Variants in SYNRG observed in about 807,000 individuals in gnomAD.
SYNRG encodes synergin gamma, also known as AP1 gamma subunit binding protein 1.
SYNRG carries 37 observed loss-of-function variants against 130.9 expected under a neutral mutation model. That is an observed-to-expected ratio of 0.28 (90% confidence interval 0.22 to 0.37). The LOEUF is 0.37. SYNRG is among the 10% of genes least tolerant of loss of function. The pLI, the probability that SYNRG is intolerant of heterozygous loss-of-function variation, is 1.00. For synonymous variants in SYNRG, 539 were observed against 568.1 expected (o/e 0.95, Z 0.73); for missense variants, 1,338 against 1,588.9 (o/e 0.84, Z 2.68).
At chr17:37,533,523 G>A (rs375580020) in intron 19 of SYNRG, among the ~76,000 whole-genome samples, 1 of 150,880 alleles carries the variant, frequency 6.6e-6, no homozygotes, top group Non-Finnish European at 1.5e-5. Flanking sequence ...ATAAGGGCTT[G>A]AATTAGTTAA....
chr17:37,590,693 G>A (rs1477122583), intron 3 of SYNRG, among the ~76,000 whole-genome samples: 2 of 152,114 alleles, frequency 1.3e-5, no homozygotes, highest in South Asian at 2.1e-4. Context: ...GGCAGAGGTG[G>A]GTGGATTGCT....
chr17:37,544,710 T>G (rs1251076394), intron 14 of SYNRG, among the ~76,000 whole-genome samples: 6 of 152,176 alleles, frequency 3.9e-5, no homozygotes, highest in African/African-American at 1.4e-4. Flanking sequence ...TTCGTTTTTT[T>G]CCCCACGATT....
intron 21 of SYNRG, 121 bp downstream of exon 21, chr17:37,520,058 G>T: frequency 2.8e-6 from 3 of 1,086,832 alleles, no homozygotes; most frequent in South Asian, 2.6e-5. Context: ...GAACAAAACT[G>T]ACTCAGTGAA....
chr17:37,547,463 CTT>C (rs35053528), intron 14 of SYNRG, among the ~76,000 whole-genome samples: 29 of 138,868 alleles, frequency 2.1e-4, no homozygotes, highest in Non-Finnish European at 3.1e-4. Flanking sequence ...TCATTTGCTG[CTT>C]TTTTTTTTTT....
intron 8 of SYNRG, among the ~76,000 whole-genome samples, chr17:37,574,665 T>C (rs2146118510): frequency 6.6e-6 from 1 of 152,292 alleles, no homozygotes; most frequent in East Asian, 1.9e-4. Context: ...TCAACATCAC[T>C]GATCATCAGA....
chr17:37,535,896 T>C, intron 19 of SYNRG, 83 bp downstream of exon 19: 1 of 1,568,088 alleles, frequency 6.4e-7, no homozygotes, highest in Admixed American at 1.7e-5. Flanking sequence ...CTCTAATAAG[T>C]ACCATCATAG....
Position 37,540,438 on chromosome 17 carries a change from T to C in SYNRG, c.3308A>G (p.Glu1103Gly), listed in dbSNP as rs1285517077. Reference sequence around the variant, plus strand: ...TCGGATGACGGGCAGGGCGGGCTTCTCATTCAGAGTATTGGAACGGTCTCT... The same window carrying C: ...TCGGATGACGGGCAGGGCGGGCTTCCCATTCAGAGTATTGGAACGGTCTCT... The part of the protein sequence containing the change: ...PFRDRSNTLN[E>G]KPALPVIRDK... The change falls in exon 16 of 22, where the codon GAG (glutamate) becomes GGG (glycine). Residue 1103 changes from glutamate (E) to glycine (G), a missense_variant. Glu to Gly is a moderately conservative substitution (Grantham distance 98). Transcript: ENST00000612223. 1 of 1,613,808 alleles carries C rather than the reference T, an allele frequency of 6.2e-7. No homozygotes were observed. The highest frequency in any genetic ancestry group is 1.3e-5 in the African/African-American group (1 of 74,838).
intron 16 of SYNRG, 108 bp from the exon 17 acceptor site, chr17:37,539,353 A>G (rs956149833): frequency 1.8e-6 from 2 of 1,138,732 alleles, no homozygotes; most frequent in East Asian, 2.4e-5. Flanking sequence ...TATTACGATC[A>G]CTCTAGTTCA....
intron 19 of SYNRG, among the ~76,000 whole-genome samples, chr17:37,527,751 T>C (rs769505444): frequency 6.6e-6 from 1 of 152,168 alleles, no homozygotes; most frequent in Non-Finnish European, 1.5e-5. Flanking sequence ...CCATTTCTTA[T>C]CAGGAACTCG....
intron 8 of SYNRG, among the ~76,000 whole-genome samples, chr17:37,573,910 T>C (rs2060622984): frequency 6.6e-6 from 1 of 152,138 alleles, no homozygotes; most frequent in South Asian, 2.1e-4. Flanking sequence ...AAAATTTATA[T>C]GGTACCACAA....
At chr17:37,608,979 T>C (rs969394101) in intron 1 of SYNRG, among the ~76,000 whole-genome samples, 1 of 142,670 alleles carries the variant, frequency 7.0e-6, no homozygotes, top group Non-Finnish European at 1.5e-5. Context: ...GGTTCCTGAT[T>C]TGCCCCGCCC....
intron 19 of SYNRG, among the ~76,000 whole-genome samples, chr17:37,533,654 C>G (rs1338971713): frequency 2.2e-5 from 3 of 139,488 alleles, no homozygotes. Context: ...GTGGTGTGAT[C>G]TCAGCTCACT....
chr17:37,530,701 T>C (rs922265486), intron 19 of SYNRG, among the ~76,000 whole-genome samples: 1 of 152,226 alleles, frequency 6.6e-6, no homozygotes, highest in Non-Finnish European at 1.5e-5. Context: ...GAATTCTGCC[T>C]CTCTGAATGT....
intron 11 of SYNRG, among the ~76,000 whole-genome samples, chr17:37,562,082 C>T (rs2059577968): frequency 6.6e-6 from 1 of 152,146 alleles, no homozygotes; most frequent in Non-Finnish European, 1.5e-5. Flanking sequence ...AGATAAAAAT[C>T]TATTTATGAA....
At chr17:37,564,050 T>C (rs1052201266) in intron 11 of SYNRG, among the ~76,000 whole-genome samples, 5 of 152,048 alleles carry the variant, frequency 3.3e-5, no homozygotes, top group African/African-American at 1.2e-4. Flanking sequence ...GGTTTCACCA[T>C]GTTGGCCAGA....
chr17:37,575,065 T>C (rs1308375656), intron 8 of SYNRG, among the ~76,000 whole-genome samples: 1 of 152,112 alleles, frequency 6.6e-6, no homozygotes, highest in Non-Finnish European at 1.5e-5. Context: ...ACAAATTTCA[T>C]ATATTCTCAT....
intron 14 of SYNRG, among the ~76,000 whole-genome samples, chr17:37,543,580 A>G (rs2057982416): frequency 6.6e-6 from 1 of 152,158 alleles, no homozygotes; most frequent in Non-Finnish European, 1.5e-5. Flanking sequence ...ACTTGGAAGG[A>G]CTGTGTTATG....
At chr17:37,529,249 A>G (rs533258835) in intron 19 of SYNRG, among the ~76,000 whole-genome samples, 8 of 152,356 alleles carry the variant, frequency 5.3e-5, no homozygotes, top group Non-Finnish European at 1.0e-4. Context: ...GCTCCAGGTT[A>G]GATGGGCCCC....
intron 19 of SYNRG, among the ~76,000 whole-genome samples, chr17:37,532,604 C>T (rs962811940): frequency 7.6e-5 from 10 of 131,054 alleles, no homozygotes; most frequent in African/African-American, 2.9e-4. Flanking sequence ...ATCTGGGAGG[C>T]GGAGGTTGCA....
Sources: gnomAD v4.1 joint callset for allele counts (sites outside exome capture counted in the v4.1 genomes callset) on GRCh38, gnomAD v4.1.1 for gene constraint, MANE v1.5 for transcripts, NCBI Gene and HGNC (gene_info 2026-07-23, HGNC 2026-07-21) for gene names.